The following KIDINS220 variants were observed in gnomAD, a reference collection of about 807,000 sequenced individuals.
The protein encoded by KIDINS220 is kinase D interacting substrate 220.
A neutral mutation model predicts 157.6 loss-of-function variants in KIDINS220; 63 were observed. The observed-to-expected ratio is 0.40, with a 90% confidence interval of 0.33 to 0.49. KIDINS220 has a LOEUF of 0.49. KIDINS220 is among the 20% of genes least tolerant of loss of function. The probability of loss-of-function intolerance (pLI) is 0.66; values close to 1 mark genes in which losing one functional copy is unlikely to be tolerated. For missense variants in KIDINS220, 1,772 were observed against 2,171.2 expected (o/e 0.82, Z 3.65); for synonymous variants, 732 against 783.6 (o/e 0.93, Z 1.10).
chr2:8,788,468 C>A (rs756673623), intron 15 of KIDINS220, among the ~76,000 whole-genome samples, 179 bp downstream of exon 15: 14 of 152,118 alleles, frequency 9.2e-5, no homozygotes, highest in Admixed American at 6.6e-4. Flanking sequence ...GGGGTTTCAC[C>A]ATGTTGGCCA....
chr2:8,769,924 A>G (rs1358641062), intron 22 of KIDINS220, among the ~76,000 whole-genome samples: 1 of 152,228 alleles, frequency 6.6e-6, no homozygotes, highest in Non-Finnish European at 1.5e-5. Flanking sequence ...TAAATTAAAC[A>G]GCAAAACCTA....
rs973125951 is a variant in KIDINS220 at position 8,785,911 on chromosome 2, G to A, written c.2059C>T (p.Leu687=). ...GATATGAGGACAGCATTTACAGTCA[G>A]ATGCTTTGGGTCAACTCTAAATATA... The part of the protein sequence containing the change: ...LAIFRVDPKH[L]TVNAVLISIA... The change falls in exon 17 of 30, where the codon CTG becomes TTG. Residue 687 remains leucine, a synonymous_variant. Transcript: ENST00000256707. 1.9e-6 allele frequency: 3 copies of A among 1,614,142 alleles called. No individual in the cohort carries two copies. Among genetic ancestry groups the A allele is most frequent in the Non-Finnish European group, 2.5e-6 (3 of 1,180,000 alleles).
intron 11 of KIDINS220, among the ~76,000 whole-genome samples, 187 bp downstream of exon 11, chr2:8,796,584 A>T (rs1485083569): frequency 6.6e-6 from 1 of 152,134 alleles, no homozygotes; most frequent in Non-Finnish European, 1.5e-5. Context: ...CAGCTGCGTT[A>T]ATAGCACACT....
At chr2:8,746,103 ATTT>A (rs1231470460) in intron 26 of KIDINS220, among the ~76,000 whole-genome samples, 4 of 140,532 alleles carry the variant, frequency 2.8e-5, no homozygotes, top group Non-Finnish European at 3.1e-5. Flanking sequence ...TTATACAGTA[ATTT>A]TTTTTTTTTT....
intron 21 of KIDINS220, among the ~76,000 whole-genome samples, chr2:8,774,073 A>AGGCG (rs774729313): frequency 2.0e-5 from 3 of 152,112 alleles, no homozygotes; most frequent in African/African-American, 4.8e-5. Context: ...TGGGAGGCCG[A>AGGCG]GGCGGGCGGA....
chr2:8,832,687 GA>G (rs1185067601), intron 1 of KIDINS220, among the ~76,000 whole-genome samples: 2 of 150,952 alleles, frequency 1.3e-5, no homozygotes, highest in East Asian at 1.9e-4. Flanking sequence ...ATTTTCAATA[GA>G]AAAAAAAATG....
chr2:8,767,782 CTAAA>C (rs1363267926), intron 22 of KIDINS220, among the ~76,000 whole-genome samples: 2 of 151,988 alleles, frequency 1.3e-5, no homozygotes, highest in East Asian at 1.9e-4. Flanking sequence ...TGAGAATGTC[CTAAA>C]TAATGTATAG....
chr2:8,775,808 G>A (rs181648496), intron 21 of KIDINS220, among the ~76,000 whole-genome samples: 9 of 152,194 alleles, frequency 5.9e-5, no homozygotes, highest in South Asian at 4.2e-4. Flanking sequence ...AGTAATTTTC[G>A]AGTGAGAGGG....
chr2:8,801,739 C>A (rs1472103262), intron 8 of KIDINS220, among the ~76,000 whole-genome samples: 5 of 152,108 alleles, frequency 3.3e-5, no homozygotes, highest in Non-Finnish European at 7.4e-5. Flanking sequence ...GACCCTGTCT[C>A]TCAAAACAAA....
intron 22 of KIDINS220, among the ~76,000 whole-genome samples, chr2:8,762,650 A>G (rs2148118844): frequency 6.6e-6 from 1 of 152,260 alleles, no homozygotes; most frequent in South Asian, 2.1e-4. Context: ...GAGGCAGGAG[A>G]ATGGCGTGAA....
At position 8,747,943 on chromosome 2, in the gene KIDINS220, G is replaced by A; in HGVS notation, c.3472C>T (p.Leu1158Phe). ...PRYYPGGSQHLISRPSVKTSL... is the reference protein window; with the variant it reads ...PRYYPGGSQHFISRPSVKTSL... ...GTTTTTACTGATGGACGTGAGATGA[G>A]ATGTTGGGAGCCGCCAGGGTAATAC... The change falls in exon 25 of 30, where the codon CTC becomes TTC. Residue 1158 changes from leucine (L) to phenylalanine (F), a missense_variant. By Grantham distance (22) the Leu-to-Phe change is conservative (BLOSUM62 0). Around this residue, in one of 3 missense-constraint regions of KIDINS220, gnomAD observed 793 missense variants for 885.5 expected, o/e 0.90. Coordinates refer to ENST00000256707, the MANE Select transcript of KIDINS220 (RefSeq NM_020738.4). The A allele has an allele frequency of 6.2e-7, 1 of 1,606,716 alleles. No homozygotes were observed. The highest frequency in any genetic ancestry group is 8.5e-7 in the Non-Finnish European group (1 of 1,177,024).
intron 22 of KIDINS220, among the ~76,000 whole-genome samples, chr2:8,761,516 A>G (rs1212848181): frequency 6.6e-6 from 1 of 152,198 alleles, no homozygotes; most frequent in Non-Finnish European, 1.5e-5. Context: ...TTGAGGAGAC[A>G]AAAGTAGTAC....
intron 6 of KIDINS220, among the ~76,000 whole-genome samples, chr2:8,810,151 G>T (rs1450661945): frequency 6.6e-6 from 1 of 152,132 alleles, no homozygotes; most frequent in African/African-American, 2.4e-5. Context: ...AGAGGAAGTC[G>T]CATTCTTTTA....
chr2:8,786,193 A>G lies in KIDINS220; in HGVS notation c.1939+13T>C. On this transcript the variant is annotated intron_variant, in intron 16 of 29. Coordinates refer to ENST00000256707, the MANE Select transcript of KIDINS220 (RefSeq NM_020738.4). Reference sequence around the variant, plus strand: ...ATCCCTTACACACAAAGAAGGAAGGAAGGAAATCCTACCCTGAGTATCTTC... The same window carrying G: ...ATCCCTTACACACAAAGAAGGAAGGGAGGAAATCCTACCCTGAGTATCTTC... The G allele has an allele frequency of 1.2e-6, 2 of 1,613,992 alleles. No homozygotes were observed. Among genetic ancestry groups the G allele is most frequent in the Non-Finnish European group, 1.7e-6 (2 of 1,179,946 alleles).
rs187691112 is a variant in KIDINS220, at chr2:8,790,085, T to G, written c.1442-26A>C. ...CTGAAAGAGAATTTAATACGAAACC[T>G]TATTCCTGTTTTGTTTAAGAAATAC... On this transcript the variant is annotated intron_variant, in intron 13 of 29. Transcript: ENST00000256707. 265 of 1,561,868 alleles carry G rather than the reference T, an allele frequency of 1.7e-4. 2 individuals are homozygous for G. The East Asian group carries it at 4.0e-3, about 24-fold the overall frequency.
intron 26 of KIDINS220, among the ~76,000 whole-genome samples, chr2:8,740,760 G>A (rs1665518777): frequency 6.6e-6 from 1 of 152,204 alleles, no homozygotes; most frequent in African/African-American, 2.4e-5. Flanking sequence ...TGCAAACTGT[G>A]ATGAACATAA....
At position 8,730,974 on chromosome 2, in the gene KIDINS220, T is replaced by C. The variant is rs757356860; in HGVS notation, c.5062A>G (p.Asn1688Asp). 1 of 1,614,212 alleles carries C rather than the reference T, an allele frequency of 6.2e-7. No individual in the cohort carries two copies. Residue 1688 changes from asparagine to aspartate, a missense_variant, in exon 30 of 30, where the codon AAT (asparagine) becomes GAT (aspartate). This residue lies in a region of KIDINS220 where 793 missense variants were observed against 885.5 expected (regional missense o/e 0.90). Coordinates refer to ENST00000256707, the MANE Select transcript of KIDINS220 (RefSeq NM_020738.4). Reference sequence around the variant, plus strand: ...TTGGCTCTGTTGGCTGGAGCACTATTGTTGTTCAGAGTCACGGTGCTGGGA... The same window carrying C: ...TTGGCTCTGTTGGCTGGAGCACTATCGTTGTTCAGAGTCACGGTGCTGGGA... Reference protein sequence around the residue: ...RTPSTVTLNNNSAPANRANQN... With the variant: ...RTPSTVTLNNDSAPANRANQN...
At chr2:8,734,574 G>T in intron 28 of KIDINS220, 81 bp downstream of exon 28, 1 of 1,012,302 alleles carries the variant, frequency 9.9e-7, no homozygotes. Context: ...TATTGATACT[G>T]GTTTTCTACA....
chr2:8,757,612 C>T (rs1215612352), intron 22 of KIDINS220: 15 of 1,596,218 alleles, frequency 9.4e-6, no homozygotes, highest in East Asian at 2.2e-5. Flanking sequence ...TTCAGTCCTT[C>T]GAGGCAGATA....
Sources: gnomAD v4.1 joint callset for allele counts (sites outside exome capture counted in the v4.1 genomes callset) on GRCh38, gnomAD v4.1.1 for gene constraint, gnomAD v4.1.1 regional missense constraint, MANE v1.5 for transcripts, NCBI Gene and HGNC (gene_info 2026-07-23, HGNC 2026-07-21) for gene names.